Variants in IHO1 observed in about 807,000 individuals in gnomAD.
The protein encoded by IHO1 is interactor of HORMAD1 protein 1.
A neutral mutation model predicts 31.0 loss-of-function variants in IHO1; 13 were observed. The ratio of observed to expected loss-of-function variants is 0.42; its 90% CI spans 0.27 to 0.67. The LOEUF is 0.67. IHO1 is among the 30% of genes least tolerant of loss of function. The pLI, the probability that IHO1 is intolerant of heterozygous loss-of-function variation, is 0.24. For synonymous variants in IHO1, 221 were observed against 248.4 expected (o/e 0.89, Z 1.04); for missense variants, 599 against 687.5 (o/e 0.87, Z 1.44).
chr3:49,206,355 C>T (rs2046137301), intron 1 of IHO1, among the ~76,000 whole-genome samples: 1 of 151,962 alleles, frequency 6.6e-6, no homozygotes, highest in Admixed American at 6.6e-5. Context: ...CTCGGCCTCC[C>T]AAAGTTCTGG....
chr3:49,254,627 C>T (rs1247059230), intron 6 of IHO1, among the ~76,000 whole-genome samples: 1 of 152,066 alleles, frequency 6.6e-6, no homozygotes, highest in African/African-American at 2.4e-5. Flanking sequence ...TAAGGGAAGA[C>T]TTTGCACAAA....
In IHO1 at chr3:49,246,649, C is replaced by T. The variant is rs184191680; in HGVS notation, c.532+1916C>T. 6.5e-3 allele frequency among the ~76,000 whole-genome samples: 984 copies of T among 151,682 alleles called. 8 individuals carry two copies. Among genetic ancestry groups the T allele is most frequent in the African/African-American group, 0.023 (937 of 41,358 alleles). On this transcript the variant is annotated intron_variant, in intron 6 of 7. Coordinates refer to ENST00000452691, the MANE Select transcript of IHO1 (RefSeq NM_001135197.2). ...AACAACAGAGTGAAACTCCCTGTAT[C>T]AAATAATAATAATAATAATAAAACT...
chr3:49,225,462 CAA>C (rs752610444), intron 2 of IHO1, among the ~76,000 whole-genome samples: 8 of 130,116 alleles, frequency 6.1e-5, no homozygotes, highest in Admixed American at 7.8e-5. Context: ...GACTCCGTCT[CAA>C]AAAAAAAAAA....
intron 1 of IHO1, among the ~76,000 whole-genome samples, chr3:49,210,029 C>T (rs35852153): frequency 0.1 from 14,140 of 136,248 alleles, 777 homozygotes; most frequent in African/African-American, 0.12. Flanking sequence ...TTCTTTCTTT[C>T]TTTTTTTTTT....
At position 49,220,473 on chromosome 3, in the gene IHO1, T is replaced by C. The variant is rs149941680; in HGVS notation, c.56+8637T>C. Among the ~76,000 whole-genome samples the C allele has an allele frequency of 7.0e-3, 1,070 of 152,298 alleles. 14 individuals are homozygous for C. Among genetic ancestry groups the C allele is most frequent in the African/African-American group, 0.023 (968 of 41,552 alleles). Reference sequence around the variant, plus strand: ...GTCCGGAGTTTGTTCCTTCAGATGTTAAGATGTGTCTGGAGTTTCTTCCTT... The same window carrying C: ...GTCCGGAGTTTGTTCCTTCAGATGTCAAGATGTGTCTGGAGTTTCTTCCTT... On this transcript the variant is annotated intron_variant, in intron 2 of 7. Transcript: ENST00000452691.
chr3:49,239,732 G>A (rs1268479077), intron 3 of IHO1, among the ~76,000 whole-genome samples: 2 of 143,920 alleles, frequency 1.4e-5, no homozygotes, highest in Non-Finnish European at 3.1e-5. Context: ...GTACGATCTC[G>A]GCTCACCACA....
chr3:49,203,008 G>T (rs1332410072), intron 1 of IHO1, among the ~76,000 whole-genome samples: 1 of 151,932 alleles, frequency 6.6e-6, no homozygotes, highest in Non-Finnish European at 1.5e-5. Flanking sequence ...GACTACAGGC[G>T]CCCGCCACCG....
At chr3:49,220,512 G>A (rs2046341279) in intron 2 of IHO1, among the ~76,000 whole-genome samples, 1 of 152,166 alleles carries the variant, frequency 6.6e-6, no homozygotes, top group South Asian at 2.1e-4. Flanking sequence ...GTGGATTTGT[G>A]GTCTTGCTGA....
chr3:49,247,780 C>T (rs901499166), intron 6 of IHO1, among the ~76,000 whole-genome samples: 9 of 150,608 alleles, frequency 6.0e-5, no homozygotes, highest in African/African-American at 2.2e-4. Flanking sequence ...TAGAGCAAGA[C>T]CCTGTCTCTA....
At chr3:49,194,821 G>A (rs1336272496), upstream of IHO1, among the ~76,000 whole-genome samples, 1 of 151,880 alleles carries the variant, frequency 6.6e-6, no homozygotes, top group East Asian at 2.0e-4. Flanking sequence ...GCTTGACCCC[G>A]GGAGGGCGAG....
intron 4 of IHO1, among the ~76,000 whole-genome samples, chr3:49,242,194 C>G (rs949151089): frequency 6.6e-6 from 1 of 152,186 alleles, no homozygotes; most frequent in South Asian, 2.1e-4. Flanking sequence ...CTGCCCACTT[C>G]GGCCTCCCAA....
intron 6 of IHO1, among the ~76,000 whole-genome samples, chr3:49,254,053 C>T (rs1559453996): frequency 6.6e-6 from 1 of 152,018 alleles, no homozygotes; most frequent in Non-Finnish European, 1.5e-5. Flanking sequence ...AGGCTGGTTT[C>T]GAACTCCTGA....
upstream of IHO1, among the ~76,000 whole-genome samples, chr3:49,193,939 G>C (rs1320490582): frequency 6.7e-6 from 1 of 150,110 alleles, no homozygotes. Context: ...TCCAGCCTGG[G>C]TGACGGAGTG....
At chr3:49,203,077 G>C (rs1459977103) in intron 1 of IHO1, among the ~76,000 whole-genome samples, 1 of 151,976 alleles carries the variant, frequency 6.6e-6, no homozygotes, top group East Asian at 1.9e-4. Flanking sequence ...ATGTTGCCCA[G>C]GTGGGTCTTG....
At chr3:49,193,969 A>C (rs1442624791), upstream of IHO1, among the ~76,000 whole-genome samples, 1 of 150,356 alleles carries the variant, frequency 6.7e-6, no homozygotes, top group African/African-American at 2.5e-5. Flanking sequence ...CTCAAAAAAA[A>C]AAAAAAGAAG....
chr3:49,219,757 C>A (rs1559441727), intron 2 of IHO1, among the ~76,000 whole-genome samples: 1 of 152,140 alleles, frequency 6.6e-6, no homozygotes, highest in Non-Finnish European at 1.5e-5. Context: ...TAAGCAATCC[C>A]TGTGGTGAGT....
chr3:49,203,768 T>C (rs1010201502), intron 1 of IHO1, among the ~76,000 whole-genome samples: 6 of 152,102 alleles, frequency 3.9e-5, no homozygotes, highest in African/African-American at 1.4e-4. Flanking sequence ...GTGGTCAAAT[T>C]CTAGATATAT....
chr3:49,209,225 A>G (rs551451344), intron 1 of IHO1, among the ~76,000 whole-genome samples: 1 of 152,356 alleles, frequency 6.6e-6, no homozygotes, highest in African/African-American at 2.4e-5. Context: ...GAGTTTGGTC[A>G]TGTAGACTGA....
chr3:49,236,558 T>G lies in IHO1; in HGVS notation c.67T>G (p.Ser23Ala), dbSNP rs769777636. The G allele has an allele frequency of 8.7e-6, 14 of 1,605,500 alleles. No individual in the cohort carries two copies. Among genetic ancestry groups the G allele is most frequent in the Non-Finnish European group, 1.1e-5 (13 of 1,175,068 alleles). ...SIPSGSGNKK[S>A]SNWNNNQNDY... Reference sequence around the variant, plus strand: ...TTTGCTAAATTTCAGGAACAAGAAGTCATCCAACTGGAATAATAATCAAAA... The same window carrying G: ...TTTGCTAAATTTCAGGAACAAGAAGGCATCCAACTGGAATAATAATCAAAA... Residue 23 changes from serine (S) to alanine (A), a missense_variant, in exon 3 of 8, where the codon TCA (serine) becomes GCA (alanine). By Grantham distance (99) the Ser-to-Ala change is moderately conservative. Coordinates refer to ENST00000452691, the MANE Select transcript of IHO1 (RefSeq NM_001135197.2).
Sources: allele counts gnomAD v4.1 joint callset (sites outside exome capture counted in the v4.1 genomes callset), GRCh38; gene constraint gnomAD v4.1.1; transcripts MANE v1.5; gene names NCBI Gene and HGNC (gene_info 2026-07-23, HGNC 2026-07-21).